Variants in ADAMTSL1 observed in about 807,000 individuals in gnomAD.
ADAMTSL1 encodes the protein ADAMTS like 1.
Under a neutral mutation model 201.8 loss-of-function variants are expected in ADAMTSL1, and 126 were observed. That is an observed-to-expected ratio of 0.62 (90% CI 0.54 to 0.72). The LOEUF (loss-of-function observed/expected upper bound fraction) is 0.72, where lower values mean the gene tolerates loss of function less well. Ranked by LOEUF, ADAMTSL1 falls within the 30% of genes least tolerant of loss-of-function variation. ADAMTSL1 has a pLI of 0.00. For synonymous variants in ADAMTSL1, 1,121 were observed against 903.4 expected (o/e 1.24, Z -4.32); for missense variants, 2,679 against 2,277.8 (o/e 1.18, Z -3.59).
chr9:18,080,723 G>A (rs752917864), intron 1 of ADAMTSL1, among the ~76,000 whole-genome samples: 30 of 152,084 alleles, frequency 2.0e-4, no homozygotes, highest in Non-Finnish European at 4.0e-4. Context: ...CACCAATTAA[G>A]GCCTAGAGGC....
At chr9:18,723,297 T>C (rs1338389369) in intron 15 of ADAMTSL1, 1 of 574,890 alleles carries the variant, frequency 1.7e-6, no homozygotes, top group East Asian at 2.9e-5. Flanking sequence ...GTTCTGCTTA[T>C]TTGCCATTAT....
At chr9:18,358,495 A>G (rs920497985) in intron 2 of ADAMTSL1, among the ~76,000 whole-genome samples, 2 of 152,154 alleles carry the variant, frequency 1.3e-5, no homozygotes, top group African/African-American at 4.8e-5. Context: ...TCCAAAGAGA[A>G]ATCTCATACC....
intron 15 of ADAMTSL1, among the ~76,000 whole-genome samples, chr9:18,745,032 T>A (rs760700340): frequency 5.9e-5 from 9 of 152,222 alleles, no homozygotes; most frequent in African/African-American, 2.2e-4. Flanking sequence ...TATCACTTGG[T>A]TAAGATGATG....
chr9:18,387,904 TC>T lies in ADAMTSL1; in HGVS notation c.208-116924del, dbSNP rs140608059. Among the ~76,000 whole-genome samples the T allele has an allele frequency of 8.2e-3, 1,256 of 152,256 alleles. 33 individuals are homozygous for T. The East Asian group carries it at 0.099, about 12-fold the overall frequency. ...TTTTCCTCTAAAATTCTCAATTTCT[TC>T]TAATAGGTCTGGAAATTTTGCCTTC... is the stretch of plus-strand genomic sequence containing the variant. On this transcript the variant is annotated intron_variant, in intron 2 of 29. Transcript: ENST00000680146.
rs559843851 is a variant in ADAMTSL1 at position 18,548,231 on chromosome 9, C to A, written c.237+14939C>A. Among the ~76,000 whole-genome samples the A allele has an allele frequency of 2.0e-5, 3 of 152,062 alleles. No homozygotes were observed. In the South Asian group the frequency reaches 6.2e-4, roughly 32 times the overall value. ...TTTGAGTCGCTGAATGAACATGTTCCCAGCTGTGGTTGAACAAGGGACACT... is the reference window on the plus strand; with the variant it reads ...TTTGAGTCGCTGAATGAACATGTTCACAGCTGTGGTTGAACAAGGGACACT... On this transcript the variant is annotated intron_variant, in intron 3 of 28. Coordinates refer to ENST00000380548, the MANE Select transcript of ADAMTSL1 (RefSeq NM_001040272.6).
At chr9:18,247,788 A>G (rs990045633) in intron 2 of ADAMTSL1, among the ~76,000 whole-genome samples, 20 of 152,156 alleles carry the variant, frequency 1.3e-4, no homozygotes, top group Admixed American at 9.2e-4. Context: ...GGAGGGAGGA[A>G]GGGAAGGAAT....
At chr9:17,951,575 C>G (rs140020409) in intron 1 of ADAMTSL1, among the ~76,000 whole-genome samples, 1 of 150,928 alleles carries the variant, frequency 6.6e-6, no homozygotes, top group Non-Finnish European at 1.5e-5. Context: ...CTCTAGGTTT[C>G]TTGCATATTC....
intron 2 of ADAMTSL1, among the ~76,000 whole-genome samples, chr9:18,404,109 A>G (rs1271709290): frequency 1.3e-5 from 2 of 152,226 alleles, no homozygotes; most frequent in Non-Finnish European, 2.9e-5. Context: ...CTTCTCTCAT[A>G]GAAACTTCTC....
At chr9:18,580,553 A>G (rs938483554) in intron 4 of ADAMTSL1, among the ~76,000 whole-genome samples, 2 of 152,184 alleles carry the variant, frequency 1.3e-5, no homozygotes, top group African/African-American at 4.8e-5. Context: ...ATAGCATAGT[A>G]AAGATAAAAC....
chr9:18,897,302 G>T (rs1424920652), intron 26 of ADAMTSL1, among the ~76,000 whole-genome samples: 1 of 152,178 alleles, frequency 6.6e-6, no homozygotes, highest in African/African-American at 2.4e-5. Flanking sequence ...TGCCAGGAGA[G>T]TCCAGGCAGT....
At chr9:18,531,649 GA>G (rs1350451045) in intron 2 of ADAMTSL1, among the ~76,000 whole-genome samples, 1 of 152,106 alleles carries the variant, frequency 6.6e-6, no homozygotes, top group African/African-American at 2.4e-5. Context: ...ACATTCTCAA[GA>G]CCTAATACAA....
At position 18,215,614 on chromosome 9, in the gene ADAMTSL1, T is replaced by A. The variant is rs186292503; in HGVS notation, c.207+51633T>A. On this transcript the variant is annotated intron_variant, in intron 2 of 29. Transcript: ENST00000680146. ...TCAATTTTGTTGTCATAGAGGTATA[T>A]TTGTCAAGATGGGAAGGTAGACTAT... 1.8e-3 allele frequency among the ~76,000 whole-genome samples: 274 copies of A among 152,322 alleles called. 1 individual carries two copies. Among genetic ancestry groups the A allele is most frequent in the African/African-American group, 6.2e-3 (259 of 41,578 alleles).
chr9:18,528,297 C>G (rs1025800117), intron 2 of ADAMTSL1, among the ~76,000 whole-genome samples: 2 of 152,098 alleles, frequency 1.3e-5, no homozygotes, highest in Admixed American at 6.6e-5. Flanking sequence ...AACCCATCAC[C>G]TAGGTATTGA....
intron 2 of ADAMTSL1, among the ~76,000 whole-genome samples, chr9:18,313,570 T>G (rs1004348952): frequency 6.6e-6 from 1 of 152,154 alleles, no homozygotes; most frequent in Non-Finnish European, 1.5e-5. Context: ...AAGAAAAGGA[T>G]AGTCTTTCCA....
At chr9:18,331,124 A>C (rs28513111) in intron 2 of ADAMTSL1, among the ~76,000 whole-genome samples, 50,023 of 151,886 alleles carry the variant, frequency 0.33, 8,730 homozygotes, top group Admixed American at 0.48. Flanking sequence ...GTGAGAAGGC[A>C]ACAAAGGTGT....
chr9:17,969,831 A>G (rs1325793718), intron 1 of ADAMTSL1, among the ~76,000 whole-genome samples: 3 of 152,100 alleles, frequency 2.0e-5, no homozygotes, highest in African/African-American at 4.8e-5. Flanking sequence ...TAATTTTATA[A>G]AGGTAACAGT....
chr9:18,284,745 C>T (rs1460911049), intron 2 of ADAMTSL1, among the ~76,000 whole-genome samples: 1 of 152,146 alleles, frequency 6.6e-6, no homozygotes, highest in African/African-American at 2.4e-5. Flanking sequence ...TTATTTCCTT[C>T]CAGACTTTTA....
At chr9:18,117,916 ACT>A (rs1321586850) in intron 1 of ADAMTSL1, among the ~76,000 whole-genome samples, 1 of 152,102 alleles carries the variant, frequency 6.6e-6, no homozygotes, top group East Asian at 1.9e-4. Flanking sequence ...ATTTGTACTA[ACT>A]CTATCTTTTG....
intron 23 of ADAMTSL1, among the ~76,000 whole-genome samples, chr9:18,837,955 C>A (rs1176816255): frequency 6.6e-6 from 1 of 152,140 alleles, no homozygotes; most frequent in Non-Finnish European, 1.5e-5. Flanking sequence ...TGTCCTTCAT[C>A]CTGTCACTGG....
Sources: gnomAD v4.1 joint callset for allele counts (sites outside exome capture counted in the v4.1 genomes callset) on GRCh38, gnomAD v4.1.1 for gene constraint, MANE v1.5 for transcripts, NCBI Gene and HGNC (gene_info 2026-07-23, HGNC 2026-07-21) for gene names.